KCNIP4: variants seen among roughly 807,000 people sequenced by gnomAD.
KCNIP4 encodes potassium voltage-gated channel interacting protein 4.
Under a neutral mutation model 34.0 loss-of-function variants are expected in KCNIP4, and 12 were observed. That is an observed-to-expected ratio of 0.35 (90% CI 0.23 to 0.57). The LOEUF is 0.57. Ranked by LOEUF, KCNIP4 falls within the 20% of genes least tolerant of loss-of-function variation. The pLI is 0.83. For missense variants in KCNIP4, 238 were observed against 311.7 expected (o/e 0.76, Z 1.78); for synonymous variants, 124 against 102.2 (o/e 1.21, Z -1.29).
chr4:21,317,764 A>C (rs184883618), intron 1 of KCNIP4, among the ~76,000 whole-genome samples: 5 of 152,250 alleles, frequency 3.3e-5, no homozygotes, highest in African/African-American at 1.2e-4. Flanking sequence ...ATTGAATCAC[A>C]GGAGCAGGTC....
At chr4:21,942,968 A>T (rs566965081) in intron 1 of KCNIP4, among the ~76,000 whole-genome samples, 1 of 152,278 alleles carries the variant, frequency 6.6e-6, no homozygotes, top group East Asian at 1.9e-4. Flanking sequence ...CATGTTGGCC[A>T]GGCTGGTCTC....
chr4:21,640,209 GTAA>G (rs765432773), intron 1 of KCNIP4, among the ~76,000 whole-genome samples: 2 of 152,104 alleles, frequency 1.3e-5, no homozygotes, highest in African/African-American at 2.4e-5. Context: ...TTCCATCATG[GTAA>G]CAACACCCAT....
chr4:20,810,340 C>G (rs1715575485), intron 3 of KCNIP4, among the ~76,000 whole-genome samples: 1 of 151,782 alleles, frequency 6.6e-6, no homozygotes, highest in Non-Finnish European at 1.5e-5. Flanking sequence ...AGACTTTTCT[C>G]TATGACCTCA....
chr4:21,509,582 T>C (rs1734131117), intron 1 of KCNIP4, among the ~76,000 whole-genome samples: 1 of 152,090 alleles, frequency 6.6e-6, no homozygotes, highest in African/African-American at 2.4e-5. Context: ...AATATACCCA[T>C]TATAGATGAG....
At chr4:20,802,360 T>C (rs1344904937) in intron 3 of KCNIP4, among the ~76,000 whole-genome samples, 1 of 151,074 alleles carries the variant, frequency 6.6e-6, no homozygotes, top group African/African-American at 2.4e-5. Context: ...GAATACACAA[T>C]GTAAATAGTT....
chr4:21,449,697 C>A (rs994661765), intron 1 of KCNIP4, among the ~76,000 whole-genome samples: 24 of 151,706 alleles, frequency 1.6e-4, no homozygotes, highest in Admixed American at 1.4e-3. Flanking sequence ...CTCACCATTG[C>A]AATATAAACT....
intron 1 of KCNIP4, among the ~76,000 whole-genome samples, chr4:21,928,127 T>TATATATATATAC (rs141651426): frequency 1.5e-4 from 22 of 143,974 alleles, no homozygotes; most frequent in African/African-American, 5.3e-4. Context: ...TATATATATA[T>TATATATATATAC]ACACACACAC....
In KCNIP4 at chr4:20,729,590, C is replaced by CTTGT. The variant is rs201837967; in HGVS notation, c.*488_*491dup. Reference sequence around the variant, plus strand: ...TATGTGTTTTTTTAATTGTTGTAATCTTGTTTCCTTAAAGTATATAAATGG... The same window carrying CTTGT: ...TATGTGTTTTTTTAATTGTTGTAATCTTGTTTGTTTCCTTAAAGTATATAAATGG... On this transcript the variant is annotated 3_prime_UTR_variant, in exon 9 of 9. Transcript: ENST00000382152. The CTTGT allele has an allele frequency of 0.22, 32,780 of 151,100 alleles. 3,642 individuals are homozygous for CTTGT. The highest frequency in any genetic ancestry group is 0.25 in the African/African-American group (10,393 of 41,164). 9.4% of individuals were successfully genotyped at this position (151,100 alleles called of 1,614,324 possible).
chr4:21,584,384 A>C (rs1389281049), intron 1 of KCNIP4, among the ~76,000 whole-genome samples: 1 of 152,096 alleles, frequency 6.6e-6, no homozygotes, highest in Non-Finnish European at 1.5e-5. Context: ...GTACAAATTT[A>C]CCAAAATTAT....
intron 1 of KCNIP4, among the ~76,000 whole-genome samples, chr4:21,743,744 C>G (rs1187148712): frequency 7.4e-5 from 11 of 149,628 alleles, no homozygotes. Flanking sequence ...TCAGCAATAT[C>G]AAATTTGTAA....
intron 1 of KCNIP4, among the ~76,000 whole-genome samples, chr4:21,067,648 T>C (rs372849875): frequency 2.2e-4 from 34 of 152,198 alleles, no homozygotes; most frequent in East Asian, 1.2e-3. Flanking sequence ...AAATAGGCTG[T>C]AGCCAGGCAG....
At chr4:21,462,626 G>T (rs1312224689) in intron 1 of KCNIP4, among the ~76,000 whole-genome samples, 1 of 152,032 alleles carries the variant, frequency 6.6e-6, no homozygotes, top group Admixed American at 6.6e-5. Flanking sequence ...AACGACTTTA[G>T]ATTCTGCATA....
intron 1 of KCNIP4, among the ~76,000 whole-genome samples, chr4:21,257,301 T>C (rs1280825909): frequency 6.6e-6 from 1 of 152,194 alleles, no homozygotes; most frequent in African/African-American, 2.4e-5. Flanking sequence ...TGATATTTTT[T>C]TCATTCATTC....
chr4:21,040,237 A>G (rs1741838263), intron 1 of KCNIP4, among the ~76,000 whole-genome samples: 1 of 152,190 alleles, frequency 6.6e-6, no homozygotes, highest in African/African-American at 2.4e-5. Context: ...TAGAACAGAA[A>G]TAAGTAGCTC....
At chr4:21,259,380 C>A (rs925863542) in intron 1 of KCNIP4, among the ~76,000 whole-genome samples, 1 of 152,142 alleles carries the variant, frequency 6.6e-6, no homozygotes. Context: ...ATAAATACAT[C>A]TGGTTAGAGT....
At chr4:21,874,443 T>C (rs1338045137) in intron 1 of KCNIP4, among the ~76,000 whole-genome samples, 4 of 152,196 alleles carry the variant, frequency 2.6e-5, no homozygotes, top group Admixed American at 2.0e-4. Flanking sequence ...TGGGGGTTGA[T>C]GGAGACAGAC....
At chr4:20,894,203 A>C (rs1398520675) in intron 1 of KCNIP4, among the ~76,000 whole-genome samples, 1 of 152,206 alleles carries the variant, frequency 6.6e-6, no homozygotes, top group Non-Finnish European at 1.5e-5. Context: ...CAAGCATTGT[A>C]ACTTCAAACT....
Position 21,070,661 on chromosome 4 carries a change from A to T in KCNIP4, c.62-187952T>A, listed in dbSNP as rs1319224990. 6.4e-4 allele frequency among the ~76,000 whole-genome samples: 64 copies of T among 99,278 alleles called. 1 individual carries two copies. Among genetic ancestry groups the T allele is most frequent in the Non-Finnish European group, 1.1e-3 (53 of 48,794 alleles). 65.1% of individuals were successfully genotyped at this position (99,278 alleles called of 152,430 possible). On this transcript the variant is annotated intron_variant, in intron 1 of 8. Coordinates refer to ENST00000382152, the MANE Select transcript of KCNIP4 (RefSeq NM_025221.6). ...TGTCTGTTTTTACTGTTGAGTTTTG[A>T]GATTTTTTTTTTTTTTTTTTTTTTT...
intron 1 of KCNIP4, among the ~76,000 whole-genome samples, chr4:21,473,429 G>A (rs1730632391): frequency 6.6e-6 from 1 of 152,120 alleles, no homozygotes; most frequent in Non-Finnish European, 1.5e-5. Context: ...CCTTCCTGGA[G>A]AGGCTGTAAA....
Sources: gnomAD v4.1 joint callset for allele counts (sites outside exome capture counted in the v4.1 genomes callset) on GRCh38, gnomAD v4.1.1 for gene constraint, MANE v1.5 for transcripts, NCBI Gene and HGNC (gene_info 2026-07-23, HGNC 2026-07-21) for gene names.